The following TRIQK variants were observed in gnomAD, a reference collection of about 807,000 sequenced individuals.
TRIQK encodes triple QxxK/R motif containing, also known as triple QxxK/R motif-containing protein.
A neutral mutation model predicts 10.8 loss-of-function variants in TRIQK; 10 were observed. That is an observed-to-expected ratio of 0.92 (90% CI 0.57 to 1.57). The LOEUF is 1.57. Among genes scored for constraint, TRIQK ranks in the 40% most tolerant of loss-of-function variants. TRIQK has a pLI of 0.00. For synonymous variants in TRIQK, 33 were observed against 33.7 expected (o/e 0.98, Z 0.07); for missense variants, 107 against 97.7 (o/e 1.09, Z -0.40).
intron 2 of TRIQK, among the ~76,000 whole-genome samples, chr8:92,944,783 T>A (rs279989): frequency 0.029 from 4,464 of 152,232 alleles, 84 homozygotes; most frequent in Middle Eastern, 0.048. Context: ...AATTCTGGTG[T>A]TCTATTGTAG....
chr8:92,941,048 A>G (rs1001929580), intron 2 of TRIQK: 44 of 152,196 alleles, frequency 2.9e-4, no homozygotes, highest in African/African-American at 1.1e-3. Context: ...TGAAGAAATT[A>G]AAAGGGAAAT....
intron 1 of TRIQK, among the ~76,000 whole-genome samples, chr8:92,985,032 G>T (rs1228952056): frequency 6.6e-6 from 1 of 152,120 alleles, no homozygotes; most frequent in Non-Finnish European, 1.5e-5. Context: ...TGTTTCTAAA[G>T]CTAATAAACT....
At chr8:92,991,738 T>C (rs1322551427) in intron 1 of TRIQK, among the ~76,000 whole-genome samples, 1 of 152,178 alleles carries the variant, frequency 6.6e-6, no homozygotes, top group Non-Finnish European at 1.5e-5. Flanking sequence ...ATGACATGAT[T>C]GTATATTTAG....
chr8:92,956,739 C>A (rs1812191646), intron 1 of TRIQK, among the ~76,000 whole-genome samples: 1 of 151,686 alleles, frequency 6.6e-6, no homozygotes, highest in Admixed American at 6.6e-5. Flanking sequence ...AAATCTTATG[C>A]CATTTAATTA....
chr8:92,921,600 G>C (rs1388836965), intron 2 of TRIQK: 1 of 151,772 alleles, frequency 6.6e-6, no homozygotes, highest in Non-Finnish European at 1.5e-5. Context: ...TGACAGCCTG[G>C]ATCATGAATG....
intron 2 of TRIQK, among the ~76,000 whole-genome samples, chr8:92,949,892 GGAAA>G (rs1395433724): frequency 1.3e-5 from 2 of 150,702 alleles, no homozygotes; most frequent in East Asian, 3.9e-4. Context: ...GAGGAAGGAA[GGAAA>G]GAAAGAAAAA....
At chr8:92,900,708 G>A (rs1188945897) in intron 3 of TRIQK, among the ~76,000 whole-genome samples, 2 of 151,952 alleles carry the variant, frequency 1.3e-5, no homozygotes, top group Non-Finnish European at 2.9e-5. Context: ...GCTCAGGATG[G>A]CTTTTGCAAT....
intron 2 of TRIQK, among the ~76,000 whole-genome samples, chr8:92,936,716 A>G (rs1215407965): frequency 6.6e-6 from 1 of 151,704 alleles, no homozygotes; most frequent in Non-Finnish European, 1.5e-5. Flanking sequence ...TATGATTCAC[A>G]AATAATATGA....
At position 92,885,632 on chromosome 8, in the gene TRIQK, G is replaced by A. The variant is rs1416883260; in HGVS notation, c.*990C>T. ...ATTATATCAACAGATAATTACATAT[G>A]AAATATGAGGCATATATTTTCTTCT... is the stretch of plus-strand genomic sequence containing the variant. On this transcript the variant is annotated 3_prime_UTR_variant, in exon 5 of 5. Transcript: ENST00000521988. The A allele has an allele frequency of 2.6e-5, 4 of 151,616 alleles. No homozygotes were observed. The highest frequency in any genetic ancestry group is 9.7e-5 in the African/African-American group (4 of 41,324). The allele number at this position is 151,616 out of a possible 1,614,324, so 9.4% of individuals were successfully genotyped here. A position where few individuals can be genotyped will look rare whatever the true frequency, so the allele number is the denominator to read the frequency against.
At chr8:92,973,890 T>C (rs1230935290) in intron 1 of TRIQK, 1 of 152,530 alleles carries the variant, frequency 6.6e-6, no homozygotes, top group East Asian at 1.9e-4. Flanking sequence ...TGCACCACTT[T>C]GGTATATTTA....
intron 2 of TRIQK, among the ~76,000 whole-genome samples, chr8:92,925,050 C>T (rs62520791): frequency 0.17 from 25,372 of 151,960 alleles, 2,376 homozygotes; most frequent in Non-Finnish European, 0.22. Flanking sequence ...AAAGTAAGTA[C>T]AGGACACTTA....
At chr8:92,935,365 G>C (rs1810933770) in intron 2 of TRIQK, among the ~76,000 whole-genome samples, 2 of 151,640 alleles carry the variant, frequency 1.3e-5, no homozygotes, top group African/African-American at 4.8e-5. Flanking sequence ...AATAATCAGG[G>C]TTTTGGTTAA....
At chr8:92,911,764 T>C (rs1043410118) in intron 3 of TRIQK, among the ~76,000 whole-genome samples, 1 of 150,376 alleles carries the variant, frequency 6.6e-6, no homozygotes, top group Non-Finnish European at 1.5e-5. Flanking sequence ...TATATGCATA[T>C]GTGTACATAA....
At chr8:92,900,171 C>T (rs1808845870) in intron 3 of TRIQK, among the ~76,000 whole-genome samples, 1 of 152,062 alleles carries the variant, frequency 6.6e-6, no homozygotes, top group South Asian at 2.1e-4. Flanking sequence ...AGATAGTTTG[C>T]AAATATTTTC....
chr8:92,890,866 A>C (rs1007577573), intron 4 of TRIQK, among the ~76,000 whole-genome samples: 5 of 151,966 alleles, frequency 3.3e-5, no homozygotes, highest in Admixed American at 1.3e-4. Context: ...AAATTTAAAA[A>C]AATCTCAACA....
intron 2 of TRIQK, among the ~76,000 whole-genome samples, chr8:92,929,903 C>T (rs527594574): frequency 4.9e-4 from 74 of 152,186 alleles, no homozygotes; most frequent in Admixed American, 1.5e-3. Context: ...TATAATGTAA[C>T]TCTTAGTAGT....
intron 1 of TRIQK, among the ~76,000 whole-genome samples, chr8:92,959,480 TACACACAC>T (rs34816958): frequency 0.097 from 14,003 of 143,646 alleles, 701 homozygotes; most frequent in Middle Eastern, 0.12. Flanking sequence ...TATATATGCA[TACACACAC>T]ACACACACAC....
At chr8:93,011,534 A>G (rs1813335042) in intron 1 of TRIQK, among the ~76,000 whole-genome samples, 1 of 152,144 alleles carries the variant, frequency 6.6e-6, no homozygotes, top group Middle Eastern at 3.2e-3. Context: ...TTTAAAAGAA[A>G]TATCATCAAA....
intron 2 of TRIQK, among the ~76,000 whole-genome samples, chr8:92,932,360 A>G (rs1013005136): frequency 1.3e-5 from 2 of 152,062 alleles, no homozygotes; most frequent in Non-Finnish European, 2.9e-5. Context: ...TTAACTAGCA[A>G]GTTTCTCCTG....
Sources: allele counts gnomAD v4.1 joint callset (sites outside exome capture counted in the v4.1 genomes callset), GRCh38; gene constraint gnomAD v4.1.1; transcripts MANE v1.5; gene names NCBI Gene and HGNC (gene_info 2026-07-23, HGNC 2026-07-21).